The following TUSC3 variants were observed in gnomAD, a reference collection of about 807,000 sequenced individuals.
The protein encoded by TUSC3 is dolichyl-diphosphooligosaccharide--protein glycosyltransferase subunit TUSC3.
TUSC3 carries 45 observed loss-of-function variants against 44.8 expected under a neutral mutation model. The observed-to-expected ratio is 1.00, with a 90% CI of 0.79 to 1.29. The LOEUF (loss-of-function observed/expected upper bound fraction) is 1.29, where lower values mean the gene tolerates loss of function less well. TUSC3 is among the 50% of genes most tolerant of loss of function. The pLI is 0.00. For synonymous variants in TUSC3, 212 were observed against 152.9 expected (o/e 1.39, Z -2.85); for missense variants, 519 against 437.9 (o/e 1.19, Z -1.65).
chr8:15,629,926 G>A (rs1183184991), intron 2 of TUSC3, among the ~76,000 whole-genome samples: 2 of 151,934 alleles, frequency 1.3e-5, no homozygotes, highest in African/African-American at 4.8e-5. Context: ...ACCTCCCTCA[G>A]TGCTAACATC....
chr8:15,803,356 TATG>T, the TUSC3 span, among the ~76,000 whole-genome samples: 1 of 152,312 alleles, frequency 6.6e-6, no homozygotes, highest in South Asian at 2.1e-4. Context: ...TAAGCATACA[TATG>T]ATGACAAAAA....
the TUSC3 span, among the ~76,000 whole-genome samples, chr8:15,798,741 G>C: frequency 1.3e-5 from 2 of 151,958 alleles, no homozygotes; most frequent in African/African-American, 2.4e-5. Flanking sequence ...TTGCATCCTC[G>C]GGCCAACTAA....
chr8:15,566,810 GTTTGTA>G (rs1802695797), intron 1 of TUSC3, among the ~76,000 whole-genome samples: 1 of 152,022 alleles, frequency 6.6e-6, no homozygotes, highest in Non-Finnish European at 1.5e-5. Context: ...ATGTGTTTGT[GTTTGTA>G]GAGACAGGAT....
In TUSC3 at chr8:15,633,949, A is replaced by G. The variant is rs147477863; in HGVS notation, c.308+10700A>G. 1.2e-3 allele frequency among the ~76,000 whole-genome samples: 183 copies of G among 152,294 alleles called. 2 individuals carry two copies. Among genetic ancestry groups the G allele is most frequent in the African/African-American group, 4.3e-3 (177 of 41,574 alleles). On this transcript the variant is annotated intron_variant, in intron 2 of 10. Transcript: ENST00000503731. ...AAACAAAACATCCCACAAGGGATGCATAAACACAAGTCAAATATCCCTCTG... is the reference window on the plus strand; with the variant it reads ...AAACAAAACATCCCACAAGGGATGCGTAAACACAAGTCAAATATCCCTCTG...
At chr8:15,502,015 C>G (rs1002587634) in intron 2 of TUSC3, among the ~76,000 whole-genome samples, 6 of 152,090 alleles carry the variant, frequency 3.9e-5, no homozygotes, top group African/African-American at 1.4e-4. Context: ...TGTTTTGATT[C>G]ATATATTTTA....
At chr8:15,793,794 A>G in the TUSC3 span, among the ~76,000 whole-genome samples, 2 of 152,192 alleles carry the variant, frequency 1.3e-5, no homozygotes, top group Non-Finnish European at 2.9e-5. Context: ...ATAGGGTCTC[A>G]CTAACTGCTG....
chr8:15,772,805 C>G, the TUSC3 span, among the ~76,000 whole-genome samples: 1 of 152,006 alleles, frequency 6.6e-6, no homozygotes, highest in South Asian at 2.1e-4. Context: ...TACAGCATGA[C>G]CAAGTGGGAA....
chr8:15,462,551 T>C (rs141277144), intron 1 of TUSC3, among the ~76,000 whole-genome samples: 274 of 152,226 alleles, frequency 1.8e-3, no homozygotes, highest in African/African-American at 5.9e-3. Context: ...TAAATTCATT[T>C]TCAGAATTTG....
the TUSC3 span, among the ~76,000 whole-genome samples, chr8:15,822,364 A>G: frequency 2.0e-5 from 3 of 152,164 alleles, no homozygotes; most frequent in African/African-American, 7.2e-5. Flanking sequence ...GGTATTATTA[A>G]TAGTTTAGAC....
At chr8:15,719,573 C>G (rs1389271986) in intron 6 of TUSC3, among the ~76,000 whole-genome samples, 1 of 151,046 alleles carries the variant, frequency 6.6e-6, no homozygotes, top group Non-Finnish European at 1.5e-5. Context: ...GAGATCATTG[C>G]TTTGTTCACT....
chr8:15,507,299 T>G (rs1801069575), intron 2 of TUSC3, among the ~76,000 whole-genome samples: 1 of 152,204 alleles, frequency 6.6e-6, no homozygotes, highest in Non-Finnish European at 1.5e-5. Flanking sequence ...AGGGTCCTTT[T>G]TAATTAGAGG....
Position 15,461,777 on chromosome 8 carries a change from C to A in TUSC3, n.92-21609C>A, listed in dbSNP as rs541288269. 2.0e-5 allele frequency among the ~76,000 whole-genome samples: 3 copies of A among 151,276 alleles called. No homozygotes were observed. In the East Asian group the frequency reaches 5.8e-4, roughly 29 times the overall value. On this transcript the variant is annotated intron_variant and non_coding_transcript_variant, in intron 1 of 5. Coordinates refer to the TUSC3 transcript ENST00000503191. ...AAAGAAAAAAAAGAAAAAATGAAGACATTCAATGTATATCAAATTAAAAGA... is the reference window on the plus strand; with the variant it reads ...AAAGAAAAAAAAGAAAAAATGAAGAAATTCAATGTATATCAAATTAAAAGA...
chr8:15,713,489 T>C (rs564688160), intron 6 of TUSC3, among the ~76,000 whole-genome samples: 45 of 152,270 alleles, frequency 3.0e-4, no homozygotes, highest in South Asian at 8.3e-4. Flanking sequence ...GTAATAGATA[T>C]ATTAGTTTGC....
At chr8:15,711,576 A>G (rs2129199911) in intron 6 of TUSC3, among the ~76,000 whole-genome samples, 1 of 151,090 alleles carries the variant, frequency 6.6e-6, no homozygotes, top group South Asian at 2.1e-4. Context: ...AAGCATTAAG[A>G]TTCTTAACTT....
chr8:15,826,458 G>A, the TUSC3 span, among the ~76,000 whole-genome samples: 25 of 151,996 alleles, frequency 1.6e-4, no homozygotes, highest in Non-Finnish European at 2.4e-4. Flanking sequence ...TAGTGATATC[G>A]CACATTATAT....
At chr8:15,552,782 G>C (rs1381087795) in intron 1 of TUSC3, among the ~76,000 whole-genome samples, 2 of 151,780 alleles carry the variant, frequency 1.3e-5, no homozygotes, top group African/African-American at 4.8e-5. Context: ...GTTTTATCTT[G>C]GGAGTGACAA....
chr8:15,646,739 G>T (rs1021386881), intron 2 of TUSC3, among the ~76,000 whole-genome samples: 1 of 152,082 alleles, frequency 6.6e-6, no homozygotes, highest in Non-Finnish European at 1.5e-5. Context: ...GGCTAGGCCA[G>T]AGATGATCCT....
At chr8:15,485,670 T>C (rs573961068) in intron 2 of TUSC3, among the ~76,000 whole-genome samples, 160 of 152,220 alleles carry the variant, frequency 1.1e-3, no homozygotes, top group African/African-American at 3.5e-3. Flanking sequence ...GGGAAGAGTA[T>C]GTGTTGGGAA....
At chr8:15,635,872 T>C (rs1485435464) in intron 2 of TUSC3, among the ~76,000 whole-genome samples, 1 of 152,132 alleles carries the variant, frequency 6.6e-6, no homozygotes, top group Non-Finnish European at 1.5e-5. Context: ...TTCCAGATGG[T>C]TTGTCAGATT....
Sources: allele counts gnomAD v4.1 joint callset (sites outside exome capture counted in the v4.1 genomes callset), GRCh38; gene constraint gnomAD v4.1.1; transcripts MANE v1.5; gene names NCBI Gene and HGNC (gene_info 2026-07-23, HGNC 2026-07-21).